Variants in FBXO4 observed in about 807,000 individuals in gnomAD.
The protein encoded by FBXO4 is F-box protein 4, also known as F-box only protein 4.
FBXO4 carries 36 observed loss-of-function variants against 43.7 expected under a neutral mutation model. The ratio of observed to expected loss-of-function variants is 0.82; its 90% confidence interval spans 0.63 to 1.09. The LOEUF is 1.09. Ranked by LOEUF, FBXO4 falls within the 50% of genes least tolerant of loss-of-function variation. The pLI is 0.00. For missense variants in FBXO4, 435 were observed against 474.1 expected, an observed-to-expected ratio of 0.92 and a Z score of 0.77; for synonymous variants, 180 against 165.6, an observed-to-expected ratio of 1.09 and a Z score of -0.67.
At chr5:42,031,133 A>G in the FBXO4 span, among the ~76,000 whole-genome samples, 5 of 152,228 alleles carry the variant, frequency 3.3e-5, no homozygotes, top group South Asian at 1.0e-3. Flanking sequence ...ATTATAAATC[A>G]TGCTGCTATA....
At chr5:42,001,254 G>T in the FBXO4 span, among the ~76,000 whole-genome samples, 9 of 152,212 alleles carry the variant, frequency 5.9e-5, no homozygotes, top group Admixed American at 3.9e-4. Context: ...TATTGAGACG[G>T]AGTCTTGCTC....
the FBXO4 span, among the ~76,000 whole-genome samples, chr5:42,006,887 G>GATAT: frequency 0.28 from 21,830 of 78,806 alleles, 3,725 homozygotes; most frequent in South Asian, 0.35. Flanking sequence ...GGTTCATGCT[G>GATAT]ATATATATAT....
At chr5:41,955,683 G>A in the FBXO4 span, among the ~76,000 whole-genome samples, 4 of 152,162 alleles carry the variant, frequency 2.6e-5, no homozygotes, top group African/African-American at 7.2e-5. Flanking sequence ...GCTGCCTAGC[G>A]AGTGAGCCAG....
the FBXO4 span, among the ~76,000 whole-genome samples, chr5:42,036,671 G>A: frequency 6.6e-6 from 1 of 152,078 alleles, no homozygotes; most frequent in South Asian, 2.1e-4. Flanking sequence ...CACCTTTGAT[G>A]GGGAAAGTTG....
chr5:42,037,645 TAA>T, the FBXO4 span, among the ~76,000 whole-genome samples: 1 of 152,090 alleles, frequency 6.6e-6, no homozygotes, highest in African/African-American at 2.4e-5. Flanking sequence ...TTTAAAATGT[TAA>T]GTTTTCCCTT....
the FBXO4 span, among the ~76,000 whole-genome samples, chr5:41,949,436 C>T: frequency 2.0e-5 from 3 of 151,946 alleles, no homozygotes; most frequent in Non-Finnish European, 4.4e-5. Flanking sequence ...AGACAAACAG[C>T]CAAATCATGA....
the FBXO4 span, among the ~76,000 whole-genome samples, chr5:42,033,311 T>C: frequency 0.078 from 11,867 of 152,160 alleles, 580 homozygotes; most frequent in African/African-American, 0.13. Context: ...AGAGTTGCAG[T>C]CTTTATGGCC....
chr5:42,023,085 G>A, the FBXO4 span, among the ~76,000 whole-genome samples: 7 of 152,134 alleles, frequency 4.6e-5, no homozygotes, highest in Non-Finnish European at 8.8e-5. Context: ...GTCTGACTAC[G>A]ATAATGATTT....
downstream of FBXO4, among the ~76,000 whole-genome samples, chr5:41,942,868 C>T (rs1022371893): frequency 1.2e-4 from 18 of 151,960 alleles, no homozygotes; most frequent in Admixed American, 9.2e-4. Flanking sequence ...ATGTTTTTCT[C>T]CATATAATTA....
At chr5:42,033,737 C>A in the FBXO4 span, among the ~76,000 whole-genome samples, 1 of 152,128 alleles carries the variant, frequency 6.6e-6, no homozygotes, top group African/African-American at 2.4e-5. Context: ...GCATAGCATT[C>A]CGTGGTGTAT....
chr5:41,959,416 C>A, the FBXO4 span, among the ~76,000 whole-genome samples: 1 of 151,064 alleles, frequency 6.6e-6, no homozygotes, highest in Non-Finnish European at 1.5e-5. Flanking sequence ...TATTTATCTT[C>A]TTGTTGCCTG....
At chr5:41,949,421 AT>A in the FBXO4 span, among the ~76,000 whole-genome samples, 1 of 152,218 alleles carries the variant, frequency 6.6e-6, no homozygotes, top group Admixed American at 6.5e-5. Context: ...TTATACACCA[AT>A]AACAGACAAA....
chr5:42,002,945 G>A, the FBXO4 span, among the ~76,000 whole-genome samples: 1 of 152,120 alleles, frequency 6.6e-6, no homozygotes, highest in African/African-American at 2.4e-5. Flanking sequence ...GGCTTATAAA[G>A]CACATTTAGA....
the FBXO4 span, among the ~76,000 whole-genome samples, chr5:41,964,345 T>C: frequency 6.6e-6 from 1 of 152,138 alleles, no homozygotes; most frequent in Non-Finnish European, 1.5e-5. Context: ...ATCATAGGCA[T>C]CTTCACCTTA....
chr5:41,934,955 A>G, intron 5 of FBXO4: 1 of 973,742 alleles, frequency 1.0e-6, no homozygotes, highest in Non-Finnish European at 1.2e-6. Context: ...TATATATATT[A>G]TAGTTCTCTA....
chr5:42,027,273 G>T, the FBXO4 span, among the ~76,000 whole-genome samples: 1 of 151,688 alleles, frequency 6.6e-6, no homozygotes, highest in South Asian at 2.1e-4. Context: ...AGTTCAATTG[G>T]TAGGTTGTAT....
At chr5:42,032,803 G>T in the FBXO4 span, among the ~76,000 whole-genome samples, 3 of 152,138 alleles carry the variant, frequency 2.0e-5, no homozygotes, top group Non-Finnish European at 4.4e-5. Flanking sequence ...AGCAACAGGA[G>T]TTTTACACCA....
the FBXO4 span, among the ~76,000 whole-genome samples, chr5:41,954,454 C>T: frequency 6.6e-6 from 1 of 152,096 alleles, no homozygotes; most frequent in Non-Finnish European, 1.5e-5. Context: ...GTTGCTTTGC[C>T]ATCAGACCTG....
the FBXO4 span, among the ~76,000 whole-genome samples, chr5:41,956,923 G>C: frequency 2.0e-5 from 3 of 151,552 alleles, no homozygotes; most frequent in African/African-American, 7.3e-5. Context: ...TGTTGGCCAG[G>C]CTGGTCTCGA....
Sources: gnomAD v4.1 joint callset for allele counts (sites outside exome capture counted in the v4.1 genomes callset) on GRCh38, gnomAD v4.1.1 for gene constraint, MANE v1.5 for transcripts, NCBI Gene and HGNC (gene_info 2026-07-23, HGNC 2026-07-21) for gene names.